GALNT2: variants seen among roughly 807,000 people sequenced by gnomAD.
GALNT2 encodes the protein UDP-GalNAc:polypeptide N-acetylgalactosaminyltransferase 2.
A neutral mutation model predicts 81.4 loss-of-function variants in GALNT2; 31 were observed. The ratio of observed to expected loss-of-function variants is 0.38; its 90% CI spans 0.29 to 0.51. The LOEUF is 0.51. GALNT2 is among the 20% of genes least tolerant of loss of function. The pLI is 0.87. For missense variants in GALNT2, 629 were observed against 765.7 expected (o/e 0.82, Z 2.11); for synonymous variants, 303 against 287.4 (o/e 1.05, Z -0.55).
At chr1:230,168,569 T>G (rs917609122) in intron 1 of GALNT2, among the ~76,000 whole-genome samples, 9 of 152,334 alleles carry the variant, frequency 5.9e-5, no homozygotes, top group Admixed American at 5.9e-4. Flanking sequence ...AAATTTCCAT[T>G]AAAAATGAAC....
In GALNT2 at chr1:230,271,773, G is replaced by A. The variant is rs954358628; in HGVS notation, c.1441-2672G>A. 1.3e-5 allele frequency among the ~76,000 whole-genome samples: 2 copies of A among 152,240 alleles called. No homozygotes were observed. Among genetic ancestry groups the A allele is most frequent in the Non-Finnish European group, 2.9e-5 (2 of 68,046 alleles). ...TGGAGCTTCCACGCCCTCTCCAGGT[G>A]TGCCGCTCTCCCAGCGCCTCCGCAT... On this transcript the variant is annotated intron_variant, in intron 14 of 15. Coordinates refer to ENST00000366672, the MANE Select transcript of GALNT2 (RefSeq NM_004481.5). The surrounding 1 kb of genome is among the most constrained non-coding windows in gnomAD (Gnocchi z 4.2).
chr1:230,068,138 C>T (rs1659259592), intron 1 of GALNT2, among the ~76,000 whole-genome samples: 1 of 152,262 alleles, frequency 6.6e-6, no homozygotes, highest in Non-Finnish European at 1.5e-5. Context: ...CATCCCCACT[C>T]CCCGCTTCAG....
chr1:230,184,699 T>C (rs1296971189), intron 2 of GALNT2, among the ~76,000 whole-genome samples: 1 of 152,188 alleles, frequency 6.6e-6, no homozygotes, highest in Non-Finnish European at 1.5e-5. Flanking sequence ...GAATATGATA[T>C]GCCTCAGTGT....
At chr1:230,252,097 T>G (rs1368181878) in intron 10 of GALNT2, among the ~76,000 whole-genome samples, 1 of 152,174 alleles carries the variant, frequency 6.6e-6, no homozygotes, top group African/African-American at 2.4e-5. Context: ...TGCCAAGGAC[T>G]TGGACTCCCA....
intron 12 of GALNT2, 98 bp downstream of exon 12, chr1:230,262,763 G>A: frequency 7.3e-7 from 1 of 1,364,104 alleles, no homozygotes; most frequent in Non-Finnish European, 1.0e-6. Flanking sequence ...CAGCTACCCA[G>A]GTGCCAAGGC....
intron 1 of GALNT2, among the ~76,000 whole-genome samples, chr1:230,058,700 A>G (rs1005257982): frequency 6.6e-6 from 1 of 152,192 alleles, no homozygotes; most frequent in Non-Finnish European, 1.5e-5. Context: ...CGATTCCTTT[A>G]ACCTAAATCA....
chr1:230,190,736 A>G (rs770717655), intron 2 of GALNT2, among the ~76,000 whole-genome samples: 16 of 152,092 alleles, frequency 1.1e-4, no homozygotes, highest in Non-Finnish European at 2.1e-4. Context: ...ACTGTGGTGT[A>G]CCATCTCTGC....
intron 3 of GALNT2, among the ~76,000 whole-genome samples, chr1:230,207,869 C>T (rs913238549): frequency 1.3e-5 from 2 of 152,132 alleles, no homozygotes; most frequent in Admixed American, 6.5e-5. Flanking sequence ...GTGTGAGCCA[C>T]GGCATTCAGC....
At chr1:230,259,210 T>C (rs527722883) in intron 11 of GALNT2, 4 of 152,362 alleles carry the variant, frequency 2.6e-5, no homozygotes, top group African/African-American at 9.6e-5. Flanking sequence ...ACAAGAAATA[T>C]TTTGGATTTT....
chr1:230,236,233 G>A (rs1001394622), intron 4 of GALNT2, 120 bp from the exon 5 acceptor site: 44 of 1,342,718 alleles, frequency 3.3e-5, no homozygotes, highest in Non-Finnish European at 4.6e-5. Flanking sequence ...CTCAGCACAG[G>A]GTGCAGTGTG....
intron 3 of GALNT2, among the ~76,000 whole-genome samples, chr1:230,233,618 G>GA (rs200991091): frequency 0.045 from 6,739 of 150,618 alleles, 190 homozygotes; most frequent in Non-Finnish European, 0.065. Flanking sequence ...CGTCTCAAAA[G>GA]AAAAAAAAAC....
At position 230,203,281 on chromosome 1, in the gene GALNT2, G is replaced by A. The variant is rs1558138402; in HGVS notation, c.365G>A (p.Arg122Gln). The change falls in exon 3 of 16, where the codon CGG becomes CAG. Residue 122 changes from arginine to glutamine, a missense_variant. By Grantham distance (43) the Arg-to-Gln change is conservative (BLOSUM62 1). Transcript: ENST00000366672. ...LRMDRAIPDTRHDQCQRKQWR... is the reference protein window; with the variant it reads ...LRMDRAIPDTQHDQCQRKQWR... ...ATGGACAGAGCCATCCCTGACACCCGGCATGACCAGTAAGTACCCCACTAA... is the reference window on the plus strand; with the variant it reads ...ATGGACAGAGCCATCCCTGACACCCAGCATGACCAGTAAGTACCCCACTAA... 1.2e-6 allele frequency: 2 copies of A among 1,613,892 alleles called. No individual in the cohort carries two copies. The highest frequency in any genetic ancestry group is 1.7e-6 in the Non-Finnish European group (2 of 1,179,896).
chr1:230,088,682 G>A (rs1350356745), intron 1 of GALNT2, among the ~76,000 whole-genome samples: 1 of 151,782 alleles, frequency 6.6e-6, no homozygotes, highest in Non-Finnish European at 1.5e-5. Flanking sequence ...GGACTATAGG[G>A]GCCTGCCACC....
chr1:230,196,883 C>T (rs1343949939), intron 2 of GALNT2, among the ~76,000 whole-genome samples: 1 of 152,114 alleles, frequency 6.6e-6, no homozygotes, highest in Non-Finnish European at 1.5e-5. Context: ...CCCGTCTCTG[C>T]ACAGTCCTGA....
chr1:230,222,192 A>C (rs887010814), intron 3 of GALNT2, among the ~76,000 whole-genome samples: 2 of 151,652 alleles, frequency 1.3e-5, no homozygotes, highest in African/African-American at 4.9e-5. Context: ...ACGCCCGGCT[A>C]ATTTTTTGTA....
At chr1:230,107,610 T>TTGTGTGTGTGTGTGTGTGTGTGTGTG (rs3033608) in intron 1 of GALNT2, among the ~76,000 whole-genome samples, 9 of 141,116 alleles carry the variant, frequency 6.4e-5, no homozygotes, top group African/African-American at 7.8e-5. Flanking sequence ...CTCATGGACT[T>TTGTGTGTGTGTGTGTGTGTGTGTGTG]TGTGTGTGTG....
intron 1 of GALNT2, among the ~76,000 whole-genome samples, chr1:230,140,694 A>T (rs1011321040): frequency 6.6e-6 from 1 of 152,168 alleles, no homozygotes; most frequent in Non-Finnish European, 1.5e-5. Flanking sequence ...GTCTGTGTCA[A>T]GTGTTTAGAG....
chr1:230,248,559 G>A (rs1454711671), intron 8 of GALNT2, among the ~76,000 whole-genome samples: 1 of 152,212 alleles, frequency 6.6e-6, no homozygotes, highest in African/African-American at 2.4e-5. Flanking sequence ...ATCCTCAGGG[G>A]TCTGTGGATT....
rs952993221 is a variant in GALNT2, at chr1:230,281,366, G to A, written c.*1908G>A. The A allele has an allele frequency of 4.6e-5, 7 of 152,306 alleles. No homozygotes were observed. Among genetic ancestry groups the A allele is most frequent in the Admixed American group, 2.6e-4 (4 of 15,268 alleles). The allele number at this position is 152,306 out of a possible 1,614,324, so 9.4% of individuals were successfully genotyped here. ...AACTCCGCACGCTTCTGTCTTTCAC[G>A]GTGGGCGCTCGGGGGGAGCCTGAGG... On this transcript the variant is annotated 3_prime_UTR_variant, in exon 16 of 16. Coordinates refer to ENST00000366672, the MANE Select transcript of GALNT2 (RefSeq NM_004481.5).
Sources: allele counts gnomAD v4.1 joint callset (sites outside exome capture counted in the v4.1 genomes callset), GRCh38; gene constraint gnomAD v4.1.1; non-coding constraint Gnocchi (gnomAD v3.1); transcripts MANE v1.5; gene names NCBI Gene and HGNC (gene_info 2026-07-23, HGNC 2026-07-21).